Variants in ARMH4 observed in about 807,000 individuals in gnomAD.
ARMH4 encodes the protein armadillo-like helical domain-containing protein 4.
A neutral mutation model predicts 61.9 loss-of-function variants in ARMH4; 49 were observed. The observed-to-expected ratio is 0.79, with a 90% confidence interval of 0.63 to 1.00. The LOEUF (loss-of-function observed/expected upper bound fraction) is 1.00. Ranked by LOEUF, ARMH4 falls within the 50% of genes least tolerant of loss-of-function variation. ARMH4 has a pLI of 0.00. For synonymous variants in ARMH4, 368 were observed against 341.5 expected (o/e 1.08, Z -0.85); for missense variants, 934 against 930.0 (o/e 1.00, Z -0.06).
At chr14:58,121,478 G>A (rs962142965) in intron 4 of ARMH4, among the ~76,000 whole-genome samples, 1 of 152,190 alleles carries the variant, frequency 6.6e-6, no homozygotes, top group Non-Finnish European at 1.5e-5. Context: ...GAGAGTAAAT[G>A]TCAGTTATCT....
At chr14:58,095,101 A>T (rs7152617) in intron 5 of ARMH4, among the ~76,000 whole-genome samples, 71,190 of 151,976 alleles carry the variant, frequency 0.47, 16,974 homozygotes, top group Non-Finnish European at 0.52. Flanking sequence ...TAATTACTCA[A>T]AGATGGTAAG....
intron 4 of ARMH4, among the ~76,000 whole-genome samples, chr14:58,119,411 T>C (rs1265710128): frequency 6.6e-6 from 1 of 152,244 alleles, no homozygotes; most frequent in Non-Finnish European, 1.5e-5. Context: ...TACTTACATA[T>C]GTCTATCCTC....
At chr14:58,039,371 C>T (rs1384719699) in intron 5 of ARMH4, among the ~76,000 whole-genome samples, 1 of 152,086 alleles carries the variant, frequency 6.6e-6, no homozygotes, top group African/African-American at 2.4e-5. Context: ...TAACACAATC[C>T]CTTTGAATTA....
rs1882674954 is a variant in ARMH4, at chr14:58,017,919, A to G, written c.2090-5769T>C. Among the ~76,000 whole-genome samples the G allele has an allele frequency of 6.6e-5, 10 of 152,336 alleles. 1 individual carries two copies. Among genetic ancestry groups the G allele is most frequent in the Admixed American group, 6.5e-4 (10 of 15,306 alleles). ...CAAAACAGCATGGCATTGGCATAAA[A>G]ACAGATACATAGACCAATGGAACAG... is the stretch of plus-strand genomic sequence containing the variant. On this transcript the variant is annotated intron_variant, in intron 5 of 7. Transcript: ENST00000267485.
intron 4 of ARMH4, among the ~76,000 whole-genome samples, chr14:58,129,042 C>T (rs1352510421): frequency 6.6e-6 from 1 of 152,184 alleles, no homozygotes; most frequent in East Asian, 1.9e-4. Context: ...TTGGAGAGAG[C>T]AAGCCCTGCC....
At chr14:58,054,244 G>T (rs999116392) in intron 5 of ARMH4, among the ~76,000 whole-genome samples, 1 of 152,102 alleles carries the variant, frequency 6.6e-6, no homozygotes, top group African/African-American at 2.4e-5. Flanking sequence ...AGCTAAGCAG[G>T]TTTTGTGTGA....
intron 5 of ARMH4, among the ~76,000 whole-genome samples, chr14:58,062,325 T>G (rs1036507822): frequency 6.6e-6 from 1 of 152,026 alleles, no homozygotes; most frequent in Non-Finnish European, 1.5e-5. Flanking sequence ...AGTGACAGAG[T>G]AAGACTCTGC....
chr14:58,042,176 CA>C (rs1883741881), intron 5 of ARMH4, among the ~76,000 whole-genome samples: 1 of 152,130 alleles, frequency 6.6e-6, no homozygotes, highest in East Asian at 1.9e-4. Context: ...TTTATTCTTC[CA>C]AAATTGACCA....
chr14:58,132,213 CA>C (rs1887133105), intron 3 of ARMH4, among the ~76,000 whole-genome samples: 1 of 152,178 alleles, frequency 6.6e-6, no homozygotes. Context: ...TCTAGAACAG[CA>C]GTAGCTTTCA....
chr14:58,057,953 C>T lies in ARMH4; in HGVS notation c.2089+38771G>A, dbSNP rs557769484. On this transcript the variant is annotated intron_variant, in intron 5 of 7. Coordinates refer to ENST00000267485, the MANE Select transcript of ARMH4 (RefSeq NM_001001872.4). ...GAACAGTACAGTATGAGAGTTCAAA[C>T]AAGCAGTATAAAACAACCACAGTAC... 3.0e-4 allele frequency among the ~76,000 whole-genome samples: 46 copies of T among 152,320 alleles called. 1 individual carries two copies. The South Asian group carries it at 9.1e-3, about 30-fold the overall frequency.
chr14:58,132,165 A>G (rs1178938799), intron 3 of ARMH4, among the ~76,000 whole-genome samples: 2 of 152,204 alleles, frequency 1.3e-5, no homozygotes, highest in Non-Finnish European at 2.9e-5. Flanking sequence ...ATTTAAAAGC[A>G]GCCAAATATA....
chr14:58,033,021 C>G (rs1325133717), intron 5 of ARMH4, among the ~76,000 whole-genome samples: 3 of 108,328 alleles, frequency 2.8e-5, no homozygotes, highest in Admixed American at 8.8e-5. Context: ...ACAAAGCAGC[C>G]GGGAACCTCG....
In ARMH4 at chr14:58,138,525, C is replaced by T. The variant is rs1887399056; in HGVS notation, c.834G>A (p.Glu278=). ...TTTCTGGCTCAACACTCAGGGTGTA[C>T]TCGGAAGTTTCGAGTGGTTGCTTGG... ...AATKQPLETS[E]YTLSVEPETD... Residue 278 remains glutamate (E), a synonymous_variant, in exon 2 of 8, where the codon GAG becomes GAA. Coordinates refer to ENST00000267485, the MANE Select transcript of ARMH4 (RefSeq NM_001001872.4). 1 of 1,614,094 alleles carries T rather than the reference C, an allele frequency of 6.2e-7. No individual in the cohort carries two copies. Among genetic ancestry groups the T allele is most frequent in the Non-Finnish European group, 8.5e-7 (1 of 1,180,038 alleles).
intron 5 of ARMH4, among the ~76,000 whole-genome samples, chr14:58,071,912 A>G (rs1396247942): frequency 6.6e-6 from 1 of 152,256 alleles, no homozygotes. Flanking sequence ...GATGGAGTAA[A>G]GGAATCCAGA....
At chr14:58,133,389 TAA>T (rs201967710) in intron 2 of ARMH4, 48 bp from the exon 3 acceptor site, 19 of 1,321,222 alleles carry the variant, frequency 1.4e-5, no homozygotes, top group East Asian at 8.1e-5. Flanking sequence ...CCTATTTTTT[TAA>T]AAAAAAAAAA....
intron 1 of ARMH4, among the ~76,000 whole-genome samples, chr14:58,148,025 T>A (rs1398782876): frequency 2.0e-5 from 3 of 152,174 alleles, no homozygotes; most frequent in Non-Finnish European, 2.9e-5. Context: ...TGTGCCATAC[T>A]CATCTCAGGC....
At chr14:58,088,611 A>T (rs12884702) in intron 5 of ARMH4, among the ~76,000 whole-genome samples, 62,681 of 152,002 alleles carry the variant, frequency 0.41, 13,341 homozygotes, top group Non-Finnish European at 0.47. Context: ...GGCGTCTGGC[A>T]GATACCTACT....
At chr14:58,151,306 C>A (rs1445458665) in intron 1 of ARMH4, among the ~76,000 whole-genome samples, 1 of 152,160 alleles carries the variant, frequency 6.6e-6, no homozygotes, top group African/African-American at 2.4e-5. Context: ...TGTTTGGAAT[C>A]TACACAAGTC....
intron 5 of ARMH4, among the ~76,000 whole-genome samples, chr14:58,084,525 CAGTTGAA>C (rs1207469081): frequency 6.6e-6 from 1 of 152,174 alleles, no homozygotes; most frequent in African/African-American, 2.4e-5. Flanking sequence ...AAATCTTCGG[CAGTTGAA>C]AGTTGCCAAT....
Sources: allele counts gnomAD v4.1 joint callset (sites outside exome capture counted in the v4.1 genomes callset), GRCh38; gene constraint gnomAD v4.1.1; transcripts MANE v1.5; gene names NCBI Gene and HGNC (gene_info 2026-07-23, HGNC 2026-07-21).